GSTZ1: variants seen among roughly 807,000 people sequenced by gnomAD.
GSTZ1 encodes the protein glutathione S-transferase zeta 1.
In GSTZ1, 34 loss-of-function variants were observed where a neutral mutation model predicts 35.9. That is an observed-to-expected ratio of 0.95 (90% CI 0.72 to 1.26). The LOEUF is 1.26. Among genes scored for constraint, GSTZ1 ranks in the 50% most tolerant of loss-of-function variants. The pLI is 0.00. For missense variants in GSTZ1, 263 were observed against 271.7 expected (o/e 0.97, Z 0.23); for synonymous variants, 93 against 101.2 (o/e 0.92, Z 0.49).
chr14:77,321,124 C>T lies in GSTZ1; in HGVS notation c.-45C>T. The T allele has an allele frequency of 6.9e-6, 10 of 1,443,646 alleles. No homozygotes were observed. Among genetic ancestry groups the T allele is most frequent in the Non-Finnish European group, 9.1e-6 (10 of 1,093,260 alleles). The allele number at this position is 1,443,646 out of a possible 1,614,324, so 89.4% of individuals were successfully genotyped here. A position where few individuals can be genotyped will look rare whatever the true frequency, so the allele number is the denominator to read the frequency against. On this transcript the variant is annotated 5_prime_UTR_variant, in exon 1 of 9. Coordinates refer to ENST00000216465, the MANE Select transcript of GSTZ1 (RefSeq NM_145870.3). Reference sequence around the variant, plus strand: ...GCCTTAGTCGTCGGCAGGTCCCAGGCGCGAAGTTTCTCGGCCTGGAGGAGG... The same window carrying T: ...GCCTTAGTCGTCGGCAGGTCCCAGGTGCGAAGTTTCTCGGCCTGGAGGAGG...
At chr14:77,327,279 T>C (rs1892368559) in intron 3 of GSTZ1, 193 bp from the exon 4 acceptor site, 1 of 613,782 alleles carries the variant, frequency 1.6e-6, no homozygotes, top group South Asian at 2.0e-5. Context: ...GGATGAAGCC[T>C]ATGGCTCAGC....
At chr14:77,326,711 T>C in intron 2 of GSTZ1, 127 bp from the exon 3 acceptor site, 1 of 662,176 alleles carries the variant, frequency 1.5e-6, no homozygotes. Context: ...ACGGTGAGCC[T>C]TGACCACCCA....
intron 5 of GSTZ1, 90 bp downstream of exon 5, chr14:77,328,127 G>T (rs902730764): frequency 3.0e-6 from 4 of 1,355,904 alleles, no homozygotes; most frequent in African/African-American, 2.9e-5. Flanking sequence ...GGGGGCGGGG[G>T]TGTCAAGGGA....
chr14:77,324,822 G>A lies in GSTZ1; in HGVS notation c.16-48G>A, dbSNP rs1566671872. The A allele has an allele frequency of 8.3e-6, 13 of 1,562,592 alleles. No homozygotes were observed. The East Asian group carries it at 2.9e-4, about 35-fold the overall frequency. ...AATGGTTGACTCCTCCCAAGCTGGA[G>A]CCCACCCAGCATGGGTTAACACGCG... On this transcript the variant is annotated intron_variant, in intron 1 of 8. Coordinates refer to ENST00000216465, the MANE Select transcript of GSTZ1 (RefSeq NM_145870.3).
At chr14:77,330,106 A>G in intron 7 of GSTZ1, 1 of 707,226 alleles carries the variant, frequency 1.4e-6, no homozygotes, top group South Asian at 1.5e-5. Flanking sequence ...TTGTCAGGGC[A>G]ACTGGAGCAT....
At chr14:77,329,587 C>T in intron 6 of GSTZ1, 168 bp from the exon 7 acceptor site, 1 of 636,892 alleles carries the variant, frequency 1.6e-6, no homozygotes, top group Non-Finnish European at 2.8e-6. Context: ...AACAGCAGCT[C>T]ATCCCTAACA....
Position 77,331,160 on chromosome 14 carries a change from C to CG in GSTZ1, c.618dup (p.Gln207AlafsTer7). The stretch of plus-strand genomic sequence containing the variant: ...GGCCTTCCAGGTGTCTCACCCCTGC[C>CG]GGCAGCCAGATACACCCACTGAGCT... On this transcript the variant is annotated frameshift_variant, in exon 9 of 9. Transcript: ENST00000216465. LOFTEE classifies it high-confidence loss of function. The CG allele has an allele frequency of 6.2e-7, 1 of 1,614,092 alleles. No individual in the cohort carries two copies. The highest frequency in any genetic ancestry group is 1.7e-4 in the Middle Eastern group (1 of 6,058).
intron 2 of GSTZ1, chr14:77,325,814 A>G (rs1194936512): frequency 1.3e-5 from 2 of 152,184 alleles, no homozygotes; most frequent in Non-Finnish European, 2.9e-5. Context: ...GTGCCAGGAG[A>G]AACTTTCCTC....
Position 77,331,319 on chromosome 14 carries a change from T to A in GSTZ1, c.*124T>A. 1 of 1,155,224 alleles carries A rather than the reference T, an allele frequency of 8.7e-7. No individual in the cohort carries two copies. The highest frequency in any genetic ancestry group is 1.2e-6 in the Non-Finnish European group (1 of 839,930). The allele number at this position is 1,155,224 out of a possible 1,614,324, so 71.6% of individuals were successfully genotyped here. On this transcript the variant is annotated 3_prime_UTR_variant, in exon 9 of 9. Coordinates refer to ENST00000216465, the MANE Select transcript of GSTZ1 (RefSeq NM_145870.3). ...CTCGAACTCTAGCCCTGGATCTGCC[T>A]TCCTGCTGAAACTTGTTCCACCTCA...
At position 77,330,343 on chromosome 14, in the gene GSTZ1, G is replaced by C. The variant is rs926456424; in HGVS notation, c.508G>C (p.Val170Leu). ...GGCTGATCTGTGCTTGGTGCCTCAG[G>C]TGGCAAATGCTGAAAGGTAAGAGAG... ...TMADLCLVPQ[V>L]ANAERFKVDL... The change falls in exon 8 of 9, where the codon GTG (valine) becomes CTG (leucine). Residue 170 changes from valine (V) to leucine (L), a missense_variant. Transcript: ENST00000216465. 3 of 1,613,838 alleles carry C rather than the reference G, an allele frequency of 1.9e-6. No homozygotes were observed. In the African/African-American group the frequency reaches 4.0e-5, roughly 22 times the overall value.
At position 77,331,517 on chromosome 14, in the gene GSTZ1, T is replaced by A. The variant is rs1272010919; in HGVS notation, c.*322T>A. ...CACGGGGAAGGCTGTGTGCCTTTTCTCATCCGCTTTTGTTGTGTGTGACTC... is the reference window on the plus strand; with the variant it reads ...CACGGGGAAGGCTGTGTGCCTTTTCACATCCGCTTTTGTTGTGTGTGACTC... On this transcript the variant is annotated 3_prime_UTR_variant, in exon 9 of 9. Coordinates refer to ENST00000216465, the MANE Select transcript of GSTZ1 (RefSeq NM_145870.3). 4 of 263,278 alleles carry A rather than the reference T, an allele frequency of 1.5e-5. No individual in the cohort carries two copies. The highest frequency in any genetic ancestry group is 2.3e-3 in the Middle Eastern group (2 of 858). The allele number at this position is 263,278 out of a possible 1,614,324, so 16.3% of individuals were successfully genotyped here. A position where few individuals can be genotyped will look rare whatever the true frequency, so the allele number is the denominator to read the frequency against.
At chr14:77,329,267 G>A in intron 6 of GSTZ1, 66 bp downstream of exon 6, 1 of 1,067,108 alleles carries the variant, frequency 9.4e-7, no homozygotes, top group South Asian at 1.2e-5. Flanking sequence ...CGCACACAGG[G>A]GCCTGGGTAT....
chr14:77,330,414 C>A, intron 8 of GSTZ1, 55 bp downstream of exon 8: 2 of 1,404,830 alleles, frequency 1.4e-6, no homozygotes, highest in South Asian at 1.2e-5. Flanking sequence ...CAGTCAGGCC[C>A]CACTCAGCTG....
At chr14:77,327,226 G>A in intron 3 of GSTZ1, 1 of 596,012 alleles carries the variant, frequency 1.7e-6, no homozygotes. Context: ...TGCCTTGGTG[G>A]CCACGGTGTG....
rs1594820554 is a variant in GSTZ1 at position 77,324,322 on chromosome 14, T to TTTTCAGTAGAGACAGGG, written c.16-542_16-526dup. 9.9e-5 allele frequency: 45 copies of TTTTCAGTAGAGACAGGG among 452,886 alleles called. No individual in the cohort carries two copies. The East Asian group carries it at 1.9e-3, about 19-fold the overall frequency. 28.1% of individuals were successfully genotyped at this position (452,886 alleles called of 1,614,324 possible). On this transcript the variant is annotated intron_variant, in intron 1 of 8. Transcript: ENST00000216465. ...CACACCTGGCTGATTTTTTTTTGTA[T>TTTTCAGTAGAGACAGGG]TTTCAGTAGAGACAGGGTTTCACCA...
intron 1 of GSTZ1, chr14:77,322,796 A>G: frequency 1.3e-6 from 1 of 742,330 alleles, no homozygotes; most frequent in Non-Finnish European, 1.6e-6. Context: ...CTAGGTTCCC[A>G]CTTACACCCT....
intron 1 of GSTZ1, chr14:77,321,406 G>A (rs921306289): frequency 1.3e-6 from 2 of 1,529,038 alleles, no homozygotes; most frequent in Non-Finnish European, 8.7e-7. Context: ...TAGGGAGTGC[G>A]TAGCAGGGTG....
intron 4 of GSTZ1, 48 bp downstream of exon 4, chr14:77,327,600 A>G: frequency 1.6e-6 from 2 of 1,232,764 alleles, no homozygotes. Context: ...AGTGCCCTGA[A>G]TGAGAGCGCC....
Position 77,321,189 on chromosome 14 carries a change from T to C in GSTZ1, c.15+6T>C. ...GCCAGATGCAGGCGGGGAAGGTCTG[T>C]GACGCGCACCCGGGTGGAGGGAAGC... On this transcript the variant is annotated splice_donor_region_variant and intron_variant, in intron 1 of 8. Transcript: ENST00000216465. 3 of 1,482,090 alleles carry C rather than the reference T, an allele frequency of 2.0e-6. No individual in the cohort carries two copies. The highest frequency in any genetic ancestry group is 2.7e-6 in the Non-Finnish European group (3 of 1,108,778). 91.8% of individuals were successfully genotyped at this position (1,482,090 alleles called of 1,614,324 possible). A position where few individuals can be genotyped will look rare whatever the true frequency, so the allele number is the denominator to read the frequency against.
Sources: allele counts gnomAD v4.1 joint callset, GRCh38; gene constraint gnomAD v4.1.1; transcripts MANE v1.5; gene names NCBI Gene and HGNC (gene_info 2026-07-23, HGNC 2026-07-21).